Variants in PITPNM2 observed in about 807,000 individuals in gnomAD.
The protein encoded by PITPNM2 is membrane-associated phosphatidylinositol transfer protein 2.
In PITPNM2, 35 loss-of-function variants were observed where a neutral mutation model predicts 132.2. That is an observed-to-expected ratio of 0.26 (90% CI 0.20 to 0.35). The LOEUF is 0.35. PITPNM2 is among the 10% of genes least tolerant of loss of function. PITPNM2 has a pLI of 1.00. For missense variants in PITPNM2, 1,332 were observed against 1,912.0 expected (o/e 0.70, Z 5.66); for synonymous variants, 738 against 799.2 (o/e 0.92, Z 1.29).
At chr12:122,986,907 C>T (rs2037959811) in intron 23 of PITPNM2, 78 bp from the exon 24 acceptor site, 2 of 1,464,108 alleles carry the variant, frequency 1.4e-6, no homozygotes, top group African/African-American at 2.8e-5. Context: ...CCAGGGCCCA[C>T]TTGGGCCATT....
intron 1 of PITPNM2, among the ~76,000 whole-genome samples, chr12:123,125,307 A>G (rs2137481109): frequency 6.6e-6 from 1 of 152,298 alleles, no homozygotes; most frequent in South Asian, 2.1e-4. Flanking sequence ...GAATCCTAGA[A>G]AATTGTGAGT....
chr12:123,129,909 GT>G (rs1306321067), intron 1 of PITPNM2, among the ~76,000 whole-genome samples: 134 of 142,930 alleles, frequency 9.4e-4, no homozygotes, highest in African/African-American at 1.2e-3. Context: ...TTTGTTTTGC[GT>G]TTTTTTTTTT....
chr12:123,101,519 G>A (rs1438314642), intron 2 of PITPNM2, among the ~76,000 whole-genome samples: 1 of 152,208 alleles, frequency 6.6e-6, no homozygotes, highest in Non-Finnish European at 1.5e-5. Flanking sequence ...GCACTGGAGG[G>A]ATAATGAAGA....
intron 2 of PITPNM2, among the ~76,000 whole-genome samples, chr12:123,072,228 G>A (rs143559777): frequency 3.3e-5 from 5 of 152,252 alleles, no homozygotes; most frequent in East Asian, 1.9e-4. Flanking sequence ...GGCATCCATC[G>A]CTAACTCTGC....
In PITPNM2 at chr12:123,131,227, A is replaced by T. The variant is rs189282096; in HGVS notation, c.-200+19526T>A. Among the ~76,000 whole-genome samples, 35 of 152,308 alleles carry T rather than the reference A, an allele frequency of 2.3e-4. No homozygotes were observed. In the East Asian group the frequency reaches 3.3e-3, roughly 14 times the overall value. On this transcript the variant is annotated intron_variant, in intron 1 of 25. Transcript: ENST00000320201. ...TGCACTGGAGTAGAGTGAGCCCTAAATCCAATGACTGGTGTCCTTATAAGA... is the reference window on the plus strand; with the variant it reads ...TGCACTGGAGTAGAGTGAGCCCTAATTCCAATGACTGGTGTCCTTATAAGA...
At chr12:123,136,845 C>T (rs1221003794) in intron 1 of PITPNM2, among the ~76,000 whole-genome samples, 1 of 152,056 alleles carries the variant, frequency 6.6e-6, no homozygotes, top group African/African-American at 2.4e-5. Context: ...TGCAGTGAGC[C>T]GAGATTGTGC....
At chr12:123,081,276 C>T (rs966467989) in intron 2 of PITPNM2, 9 of 152,288 alleles carry the variant, frequency 5.9e-5, no homozygotes, top group African/African-American at 2.2e-4. Flanking sequence ...GGAGTGGGCA[C>T]CATAGACTCC....
At position 122,988,300 on chromosome 12, in the gene PITPNM2, C is replaced by T; in HGVS notation, c.2931G>A (p.Val977=). 6.2e-7 allele frequency: 1 copy of T among 1,613,486 alleles called. No homozygotes were observed. The highest frequency in any genetic ancestry group is 8.5e-7 in the Non-Finnish European group (1 of 1,180,002). ...TTGGCTTTGAGGGGGTGAACACCGACACTTCCTTGCCATCCAGCTCCAAGA... is the reference window on the plus strand; with the variant it reads ...TTGGCTTTGAGGGGGTGAACACCGATACTTCCTTGCCATCCAGCTCCAAGA... The part of the protein sequence containing the change: ...SSILELDGKE[V]SVFTPSKPRE... The change falls in exon 20 of 26, where the codon GTG becomes GTA. Residue 977 remains valine (V), a synonymous_variant. Coordinates refer to ENST00000320201, the MANE Select transcript of PITPNM2 (RefSeq NM_020845.3).
intron 1 of PITPNM2, among the ~76,000 whole-genome samples, chr12:123,134,247 T>G (rs2043327502): frequency 6.6e-6 from 1 of 151,902 alleles, no homozygotes; most frequent in South Asian, 2.1e-4. Context: ...GTATTTTTAG[T>G]AGAGACAGGG....
rs1306204278 is a variant in PITPNM2 at position 123,012,600 on chromosome 12, C to T, written c.415+13G>A. On this transcript the variant is annotated intron_variant, in intron 5 of 25. Transcript: ENST00000320201. ...AGAGTACAGCCCTGTGGGGCTCTGC[C>T]CTTCCTGGTTACCGATTGTCAGCTG... 1.2e-6 allele frequency: 2 copies of T among 1,613,852 alleles called. No homozygotes were observed. The highest frequency in any genetic ancestry group is 1.1e-5 in the South Asian group (1 of 91,066).
intron 2 of PITPNM2, among the ~76,000 whole-genome samples, chr12:123,039,215 C>A (rs1296229675): frequency 6.6e-6 from 1 of 151,970 alleles, no homozygotes; most frequent in Non-Finnish European, 1.5e-5. Context: ...GCCATGTTTG[C>A]GCTACTGCAC....
At chr12:123,135,915 C>T (rs1334664992) in intron 1 of PITPNM2, among the ~76,000 whole-genome samples, 1 of 152,146 alleles carries the variant, frequency 6.6e-6, no homozygotes, top group Non-Finnish European at 1.5e-5. Context: ...GTATATACCA[C>T]ATTTTCTTTA....
intron 1 of PITPNM2, among the ~76,000 whole-genome samples, chr12:123,132,521 CTT>C (rs10658758): frequency 1.3e-4 from 19 of 144,938 alleles, no homozygotes; most frequent in Admixed American, 4.8e-4. Flanking sequence ...TTTTCTTTCC[CTT>C]TTTTTTTTTT....
rs186888245 is a variant in PITPNM2 at position 123,092,853 on chromosome 12, C to T, written c.-96+17532G>A. ...CCCTACCTCGACCTCTCCCCCGAGC[C>T]CCTGGAGCCCCTCTGGGAAGCTACA... On this transcript the variant is annotated intron_variant, in intron 2 of 25. Coordinates refer to ENST00000320201, the MANE Select transcript of PITPNM2 (RefSeq NM_020845.3). The T allele has an allele frequency of 1.4e-3, 213 of 152,442 alleles. 2 individuals are homozygous for T. Among genetic ancestry groups the T allele is most frequent in the Admixed American group, 4.1e-3 (63 of 15,306 alleles). The allele number at this position is 152,442 out of a possible 1,614,324, so 9.4% of individuals were successfully genotyped here.
chr12:123,147,897 C>T (rs1228977520), intron 1 of PITPNM2, among the ~76,000 whole-genome samples: 1 of 152,188 alleles, frequency 6.6e-6, no homozygotes, highest in African/African-American at 2.4e-5. Context: ...CTGCATGGTG[C>T]ATAGTATACA....
At chr12:122,997,996 T>A (rs2038503264) in intron 10 of PITPNM2, among the ~76,000 whole-genome samples, 1 of 152,194 alleles carries the variant, frequency 6.6e-6, no homozygotes, top group Non-Finnish European at 1.5e-5. Context: ...GGGGGCTGCC[T>A]GCCCTGTGTG....
Position 123,085,195 on chromosome 12 carries a change from G to A in PITPNM2, c.-96+25190C>T, listed in dbSNP as rs993943914. ...GAGAGATGCAAACAGGTAGATCCAG[G>A]AGCTGAGGAGTAACTAAGTAGGTGT... is the stretch of plus-strand genomic sequence containing the variant. On this transcript the variant is annotated intron_variant, in intron 2 of 25. Coordinates refer to ENST00000320201, the MANE Select transcript of PITPNM2 (RefSeq NM_020845.3). 3.3e-5 allele frequency among the ~76,000 whole-genome samples: 5 copies of A among 152,222 alleles called. No individual in the cohort carries two copies. The East Asian group carries it at 7.7e-4, about 23-fold the overall frequency.
chr12:123,144,203 C>T (rs781496943), intron 1 of PITPNM2, among the ~76,000 whole-genome samples: 2 of 152,186 alleles, frequency 1.3e-5, no homozygotes, highest in Non-Finnish European at 1.5e-5. Context: ...TTTTTGTGGT[C>T]TGTGCAGTGC....
At chr12:122,997,290 G>A in intron 11 of PITPNM2, 35 bp downstream of exon 11, 1 of 1,610,494 alleles carries the variant, frequency 6.2e-7, no homozygotes, top group Non-Finnish European at 8.5e-7. Context: ...ACAGTGCACT[G>A]CCGGAGGCTG....
Sources: gnomAD v4.1 joint callset for allele counts (sites outside exome capture counted in the v4.1 genomes callset) on GRCh38, gnomAD v4.1.1 for gene constraint, MANE v1.5 for transcripts, NCBI Gene and HGNC (gene_info 2026-07-23, HGNC 2026-07-21) for gene names.